CCSER1: variants seen among roughly 807,000 people sequenced by gnomAD.
CCSER1 encodes serine-rich coiled-coil domain-containing protein 1.
CCSER1 carries 41 observed loss-of-function variants against 82.0 expected under a neutral mutation model. That is an observed-to-expected ratio of 0.50 (90% CI 0.39 to 0.65). The LOEUF (loss-of-function observed/expected upper bound fraction) is 0.65, where lower values mean the gene tolerates loss of function less well. CCSER1 is among the 30% of genes least tolerant of loss of function. The pLI is 0.00. For synonymous variants in CCSER1, 414 were observed against 383.9 expected (o/e 1.08, Z -0.92); for missense variants, 1,119 against 1,064.2 (o/e 1.05, Z -0.72).
At chr4:90,995,203 C>G (rs1737388792) in intron 9 of CCSER1, among the ~76,000 whole-genome samples, 1 of 152,082 alleles carries the variant, frequency 6.6e-6, no homozygotes, top group African/African-American at 2.4e-5. Flanking sequence ...GTTGGAAAAT[C>G]AAGGTTAGCA....
intron 8 of CCSER1, among the ~76,000 whole-genome samples, chr4:90,840,939 TA>T (rs1175537611): frequency 6.6e-6 from 1 of 152,204 alleles, no homozygotes; most frequent in Non-Finnish European, 1.5e-5. Flanking sequence ...CAGTATCATG[TA>T]TTGCATAATA....
At chr4:90,873,937 T>A (rs1014891734) in intron 8 of CCSER1, among the ~76,000 whole-genome samples, 1 of 152,160 alleles carries the variant, frequency 6.6e-6, no homozygotes, top group African/African-American at 2.4e-5. Context: ...GTCTTTAATT[T>A]TATTTTCAAA....
At chr4:90,796,144 T>A (rs1450695762) in intron 7 of CCSER1, among the ~76,000 whole-genome samples, 2 of 152,188 alleles carry the variant, frequency 1.3e-5, no homozygotes, top group Admixed American at 6.5e-5. Context: ...TTTTGAAGGC[T>A]ATTTGTTATT....
intron 9 of CCSER1, among the ~76,000 whole-genome samples, chr4:90,970,484 TAGAC>T (rs546922413): frequency 4.6e-5 from 7 of 151,516 alleles, no homozygotes; most frequent in African/African-American, 1.5e-4. Flanking sequence ...AAAGAAGAAA[TAGAC>T]AGAAATACAA....
chr4:91,416,861 A>G (rs1272199247), intron 10 of CCSER1, among the ~76,000 whole-genome samples: 1 of 152,230 alleles, frequency 6.6e-6, no homozygotes, highest in Non-Finnish European at 1.5e-5. Flanking sequence ...AATAGGATCT[A>G]CTTAAACTAA....
intron 9 of CCSER1, among the ~76,000 whole-genome samples, chr4:90,961,119 T>G (rs1290352636): frequency 6.6e-6 from 1 of 152,172 alleles, no homozygotes. Flanking sequence ...CTAAAGATGC[T>G]ACTTTATCCT....
At chr4:90,996,232 A>G (rs1005046617) in intron 9 of CCSER1, among the ~76,000 whole-genome samples, 19 of 152,120 alleles carry the variant, frequency 1.2e-4, no homozygotes, top group African/African-American at 4.3e-4. Flanking sequence ...TAGGCATTAG[A>G]TATAAATCTC....
intron 9 of CCSER1, among the ~76,000 whole-genome samples, chr4:91,079,169 A>G (rs770822777): frequency 6.6e-6 from 1 of 152,230 alleles, no homozygotes; most frequent in Non-Finnish European, 1.5e-5. Flanking sequence ...GGTTAAGGGC[A>G]GCCAGACAGG....
chr4:91,232,126 A>T (rs1199337989), intron 10 of CCSER1, among the ~76,000 whole-genome samples: 2 of 151,842 alleles, frequency 1.3e-5, no homozygotes, highest in African/African-American at 4.8e-5. Context: ...ACACTATAAA[A>T]GCTTAAATTG....
At chr4:90,156,292 A>C (rs757072362) in intron 1 of CCSER1, among the ~76,000 whole-genome samples, 4 of 152,146 alleles carry the variant, frequency 2.6e-5, no homozygotes, top group Non-Finnish European at 5.9e-5. Context: ...TTTACTTCCA[A>C]GTATGTGGTC....
At chr4:91,400,902 A>T (rs1752276448) in intron 10 of CCSER1, among the ~76,000 whole-genome samples, 1 of 152,042 alleles carries the variant, frequency 6.6e-6, no homozygotes, top group East Asian at 1.9e-4. Context: ...GCACCTAATT[A>T]AGTGATTTAG....
At chr4:90,843,859 T>A (rs1444405804) in intron 8 of CCSER1, among the ~76,000 whole-genome samples, 2 of 152,152 alleles carry the variant, frequency 1.3e-5, no homozygotes, top group Admixed American at 1.3e-4. Context: ...ATTACTGCAC[T>A]CCTTTAAGAA....
chr4:90,164,691 G>T (rs564344834), intron 1 of CCSER1, among the ~76,000 whole-genome samples: 49 of 152,212 alleles, frequency 3.2e-4, no homozygotes, highest in Non-Finnish European at 6.6e-4. Context: ...AGAGAAAAGA[G>T]AAATTGTGAA....
At chr4:90,559,252 T>A (rs1048005217) in intron 5 of CCSER1, among the ~76,000 whole-genome samples, 2 of 152,220 alleles carry the variant, frequency 1.3e-5, no homozygotes, top group Non-Finnish European at 2.9e-5. Context: ...ACTTTTTTTA[T>A]AGGTTCTAAT....
intron 8 of CCSER1, among the ~76,000 whole-genome samples, chr4:90,871,210 C>A (rs1305748920): frequency 1.3e-5 from 2 of 151,568 alleles, no homozygotes; most frequent in East Asian, 3.9e-4. Context: ...TTAATTTCTT[C>A]AGCTAATTTT....
intron 7 of CCSER1, among the ~76,000 whole-genome samples, chr4:90,803,684 G>A (rs1464454922): frequency 6.6e-6 from 1 of 152,122 alleles, no homozygotes; most frequent in African/African-American, 2.4e-5. Flanking sequence ...GTGTGTGTGT[G>A]TCTTTATACT....
In CCSER1 at chr4:90,663,631, C is replaced by T. The variant is rs188684329; in HGVS notation, c.1932+35399C>T. ...TCCCAAAGTGCTGGGATTACAGGTG[C>T]GACTACCACACCCAGCCTATACTTT... is the stretch of plus-strand genomic sequence containing the variant. On this transcript the variant is annotated intron_variant, in intron 6 of 10. Coordinates refer to ENST00000509176, the MANE Select transcript of CCSER1 (RefSeq NM_001145065.2). Among the ~76,000 whole-genome samples the T allele has an allele frequency of 6.0e-3, 909 of 152,192 alleles. 11 individuals are homozygous for T. Among genetic ancestry groups the T allele is most frequent in the African/African-American group, 0.021 (859 of 41,514 alleles).
intron 10 of CCSER1, among the ~76,000 whole-genome samples, chr4:91,547,925 G>C (rs1481011617): frequency 2.0e-5 from 3 of 151,984 alleles, no homozygotes; most frequent in South Asian, 4.2e-4. Context: ...GGGATTACAG[G>C]CGCATGCCAC....
At chr4:91,402,881 C>T (rs1752432937) in intron 10 of CCSER1, among the ~76,000 whole-genome samples, 2 of 152,154 alleles carry the variant, frequency 1.3e-5, no homozygotes, top group Admixed American at 6.5e-5. Context: ...AATGAGTGCT[C>T]TTTTTTGGTT....
Sources: allele counts gnomAD v4.1 joint callset (sites outside exome capture counted in the v4.1 genomes callset), GRCh38; gene constraint gnomAD v4.1.1; transcripts MANE v1.5; gene names NCBI Gene and HGNC (gene_info 2026-07-23, HGNC 2026-07-21).